Variants in FUT8 observed in about 807,000 individuals in gnomAD.
FUT8 encodes fucosyltransferase 8.
A neutral mutation model predicts 71.3 loss-of-function variants in FUT8; 29 were observed. That is an observed-to-expected ratio of 0.41 (90% CI 0.30 to 0.55). The LOEUF (loss-of-function observed/expected upper bound fraction) is 0.55, where lower values mean the gene tolerates loss of function less well. Among genes scored for constraint, FUT8 ranks in the 20% least tolerant of loss-of-function variants. The pLI, the probability that FUT8 is intolerant of heterozygous loss-of-function variation, is 0.34. For missense variants in FUT8, 544 were observed against 702.1 expected (o/e 0.77, Z 2.55); for synonymous variants, 254 against 239.3 (o/e 1.06, Z -0.57).
At chr14:65,608,920 T>C (rs1256548505) in intron 3 of FUT8, among the ~76,000 whole-genome samples, 1 of 152,018 alleles carries the variant, frequency 6.6e-6, no homozygotes, top group Non-Finnish European at 1.5e-5. Context: ...TTTTTGCTTA[T>C]GAGGTTTTTT....
intron 2 of FUT8, among the ~76,000 whole-genome samples, chr14:65,523,273 G>A (rs1479527536): frequency 6.6e-6 from 1 of 152,170 alleles, no homozygotes; most frequent in Non-Finnish European, 1.5e-5. Context: ...ATTCTAACTG[G>A]TGTGAGATGG....
At chr14:65,655,475 C>CAAAAA (rs575608113) in intron 6 of FUT8, among the ~76,000 whole-genome samples, 1 of 49,682 alleles carries the variant, frequency 2.0e-5, no homozygotes, top group African/African-American at 6.7e-5. Flanking sequence ...GACTCCGTCT[C>CAAAAA]AAAAAAAAAA....
chr14:65,459,580 G>T (rs2065942949), intron 2 of FUT8, among the ~76,000 whole-genome samples: 1 of 152,102 alleles, frequency 6.6e-6, no homozygotes, highest in Admixed American at 6.6e-5. Flanking sequence ...GTTAAGCAAT[G>T]ATCCCAGGAT....
At chr14:65,402,168 A>T in the FUT8 span, among the ~76,000 whole-genome samples, 1 of 140,712 alleles carries the variant, frequency 7.1e-6, no homozygotes, top group African/African-American at 2.6e-5. Context: ...TTGATATGTG[A>T]GTGTAGGAGC....
chr14:65,555,922 G>A (rs1885564181), intron 2 of FUT8, among the ~76,000 whole-genome samples: 1 of 152,018 alleles, frequency 6.6e-6, no homozygotes, highest in Non-Finnish European at 1.5e-5. Context: ...TCTCTTATTT[G>A]CTGTAAATTG....
chr14:65,468,517 T>A (rs571013119), intron 2 of FUT8, among the ~76,000 whole-genome samples: 95 of 152,264 alleles, frequency 6.2e-4, no homozygotes, highest in African/African-American at 2.1e-3. Flanking sequence ...GTGTGTTGAT[T>A]TTTTTCTTTA....
the FUT8 span, among the ~76,000 whole-genome samples, chr14:65,389,675 G>A: frequency 0.064 from 9,629 of 151,438 alleles, 381 homozygotes; most frequent in Admixed American, 0.086. Context: ...GGCTTGTCTC[G>A]AAATCCTGAG....
At chr14:65,600,251 C>G (rs1406891831) in intron 3 of FUT8, among the ~76,000 whole-genome samples, 2 of 152,176 alleles carry the variant, frequency 1.3e-5, no homozygotes, top group African/African-American at 2.4e-5. Flanking sequence ...ATTTTCACTT[C>G]ACTGATTACT....
chr14:65,423,422 A>C (rs959631292), intron 1 of FUT8, among the ~76,000 whole-genome samples: 11 of 151,746 alleles, frequency 7.2e-5, no homozygotes, highest in Non-Finnish European at 2.9e-5. Flanking sequence ...TCACTACGCC[A>C]GGCTAATTTT....
intron 9 of FUT8, among the ~76,000 whole-genome samples, chr14:65,727,304 C>G (rs1450259636): frequency 6.6e-6 from 1 of 152,188 alleles, no homozygotes; most frequent in East Asian, 1.9e-4. Flanking sequence ...AGAGGTTTTC[C>G]ATGACAGCCC....
At chr14:65,600,659 G>C (rs1024711464) in intron 3 of FUT8, among the ~76,000 whole-genome samples, 1 of 152,090 alleles carries the variant, frequency 6.6e-6, no homozygotes, top group African/African-American at 2.4e-5. Flanking sequence ...GTTTCATGGG[G>C]ACTAGACTTG....
intron 1 of FUT8, among the ~76,000 whole-genome samples, chr14:65,434,585 C>G (rs1595370720): frequency 6.6e-6 from 1 of 152,154 alleles, no homozygotes; most frequent in East Asian, 1.9e-4. Context: ...ATAGTAGACA[C>G]AGTGAAAGAG....
intron 3 of FUT8, among the ~76,000 whole-genome samples, chr14:65,602,014 C>G (rs1022612597): frequency 6.6e-6 from 1 of 151,628 alleles, no homozygotes; most frequent in Non-Finnish European, 1.5e-5. Context: ...TTTTGGAGGA[C>G]AGGTGGTATT....
At chr14:65,421,455 C>T (rs2065293599) in intron 1 of FUT8, among the ~76,000 whole-genome samples, 1 of 152,106 alleles carries the variant, frequency 6.6e-6, no homozygotes, top group African/African-American at 2.4e-5. Context: ...TTTTTCATTT[C>T]TCTGAAAACA....
chr14:65,485,056 A>G (rs980254812), intron 2 of FUT8, among the ~76,000 whole-genome samples: 1 of 151,946 alleles, frequency 6.6e-6, no homozygotes, highest in African/African-American at 2.4e-5. Flanking sequence ...TAACTTTTAG[A>G]CTAGGCGTGG....
chr14:65,441,227 A>T (rs1164911197), intron 1 of FUT8, among the ~76,000 whole-genome samples: 1 of 152,160 alleles, frequency 6.6e-6, no homozygotes, highest in Non-Finnish European at 1.5e-5. Context: ...ATGGAGACCT[A>T]CTGTAGAGGA....
In FUT8 at chr14:65,645,740, A is replaced by G. The variant is rs184350520; in HGVS notation, c.597+16134A>G. ...CTATTAGTGACAGAAGAGAACTTCT[A>G]TTTTGACTAGGCATCATTGAGAAAT... On this transcript the variant is annotated intron_variant, in intron 6 of 10. Coordinates refer to ENST00000673929, the MANE Select transcript of FUT8 (RefSeq NM_001371533.1). Among the ~76,000 whole-genome samples, 214 of 152,304 alleles carry G rather than the reference A, an allele frequency of 1.4e-3. 1 individual carries two copies. The highest frequency in any genetic ancestry group is 4.5e-3 in the African/African-American group (187 of 41,580).
chr14:65,381,252 G>C, the FUT8 span, among the ~76,000 whole-genome samples: 2 of 152,090 alleles, frequency 1.3e-5, no homozygotes, highest in Non-Finnish European at 2.9e-5. Flanking sequence ...ATCTTCTACA[G>C]CTCTTTCCTT....
intron 1 of FUT8, among the ~76,000 whole-genome samples, chr14:65,414,354 ATTC>A (rs1170303537): frequency 6.6e-6 from 1 of 152,116 alleles, no homozygotes; most frequent in Non-Finnish European, 1.5e-5. Context: ...TTTATGACTA[ATTC>A]TTTAAATAGG....
Sources: allele counts gnomAD v4.1 joint callset (sites outside exome capture counted in the v4.1 genomes callset), GRCh38; gene constraint gnomAD v4.1.1; transcripts MANE v1.5; gene names NCBI Gene and HGNC (gene_info 2026-07-23, HGNC 2026-07-21).